The following VPS13A variants were observed in gnomAD, a reference collection of about 807,000 sequenced individuals.
VPS13A encodes the protein vacuolar protein sorting 13 homolog A, also known as intermembrane lipid transfer protein VPS13A.
A neutral mutation model predicts 390.9 loss-of-function variants in VPS13A; 264 were observed. That is an observed-to-expected ratio of 0.68 (90% confidence interval 0.61 to 0.75). The LOEUF (loss-of-function observed/expected upper bound fraction) is 0.75. Ranked by LOEUF, VPS13A falls within the 30% of genes least tolerant of loss-of-function variation. VPS13A has a pLI of 0.00. For synonymous variants in VPS13A, 1,231 were observed against 1,227.1 expected (o/e 1.00, Z -0.07); for missense variants, 3,409 against 3,733.9 (o/e 0.91, Z 2.27).
intron 71 of VPS13A, among the ~76,000 whole-genome samples, chr9:77,409,435 C>G (rs113531393): frequency 4.6e-5 from 7 of 152,248 alleles, no homozygotes; most frequent in African/African-American, 1.7e-4. Context: ...AGCAATGGAA[C>G]AAAGCTGGAT....
intron 32 of VPS13A, among the ~76,000 whole-genome samples, chr9:77,294,112 G>A (rs561831585): frequency 6.6e-6 from 1 of 151,814 alleles, no homozygotes; most frequent in Non-Finnish European, 1.5e-5. Context: ...ATAGAGATGG[G>A]GTCTTACTCT....
rs557089743 is a variant in VPS13A at position 77,235,668 on chromosome 9, G to A, written c.1596-2334G>A. ...TTTCTCATGTCCTTCGGAGAGTCCC[G>A]TAGTGCATATGTTGTTCCACTTGAT... On this transcript the variant is annotated intron_variant, in intron 17 of 71. Transcript: ENST00000360280. Among the ~76,000 whole-genome samples the A allele has an allele frequency of 1.4e-4, 21 of 152,160 alleles. No individual in the cohort carries two copies. In the South Asian group the frequency reaches 2.1e-3, roughly 15 times the overall value.
intron 33 of VPS13A, among the ~76,000 whole-genome samples, chr9:77,299,906 A>G (rs2131386335): frequency 6.6e-6 from 1 of 152,206 alleles, no homozygotes. Context: ...GAGGGGGAAC[A>G]TCACACAGCG....
intron 12 of VPS13A, 126 bp from the exon 13 acceptor site, chr9:77,221,059 T>G: frequency 3.4e-6 from 3 of 895,308 alleles, no homozygotes; most frequent in Non-Finnish European, 3.6e-6. Context: ...AAGGAAGTAC[T>G]CAGATAATAT....
At chr9:77,283,718 G>A in intron 31 of VPS13A, 68 bp downstream of exon 31, 1 of 1,259,512 alleles carries the variant, frequency 7.9e-7, no homozygotes, top group Non-Finnish European at 1.1e-6. Context: ...GTGGTCATAG[G>A]TATCATTTGG....
chr9:77,256,413 A>G lies in VPS13A; in HGVS notation c.2289-3673A>G, dbSNP rs138374224. On this transcript the variant is annotated intron_variant, in intron 22 of 71. Coordinates refer to ENST00000360280, the MANE Select transcript of VPS13A (RefSeq NM_033305.3). ...TGACGCTTGGTTTTTTACCTGACGT[A>G]TAATCTGTCCTGGAGAATGTTTCAT... is the stretch of plus-strand genomic sequence containing the variant. Among the ~76,000 whole-genome samples the G allele has an allele frequency of 1.6e-4, 25 of 152,286 alleles. No individual in the cohort carries two copies. The East Asian group carries it at 4.6e-3, about 28-fold the overall frequency.
In VPS13A at chr9:77,283,354, G is replaced by T; in HGVS notation, c.3119-1G>T. ...TTTATAATATGAATTTTTTTTTGCA[G>T]CTTTAAAACTATCCACAAATGAAGA... On this transcript the variant is annotated splice_acceptor_variant, in intron 29 of 71. Coordinates refer to ENST00000360280, the MANE Select transcript of VPS13A (RefSeq NM_033305.3). LOFTEE classifies it high-confidence loss of function. 6.4e-7 allele frequency: 1 copy of T among 1,559,996 alleles called. No individual in the cohort carries two copies. The highest frequency in any genetic ancestry group is 8.8e-7 in the Non-Finnish European group (1 of 1,134,730).
At chr9:77,310,649 C>T (rs949913513) in intron 35 of VPS13A, among the ~76,000 whole-genome samples, 9 of 152,090 alleles carry the variant, frequency 5.9e-5, no homozygotes, top group African/African-American at 2.2e-4. Flanking sequence ...TTAAACAACA[C>T]ATGGAATACT....
At chr9:77,214,696 G>A (rs1046323526) in intron 10 of VPS13A, among the ~76,000 whole-genome samples, 1 of 152,102 alleles carries the variant, frequency 6.6e-6, no homozygotes, top group African/African-American at 2.4e-5. Flanking sequence ...TTTCAAAATG[G>A]CAAGTAAAAT....
rs182044001 is a variant in VPS13A, at chr9:77,417,139, A to G, written c.*1133A>G. Reference sequence around the variant, plus strand: ...TTAATATTAATGGACTGTTTCAGGTAAAAGAGAATGAATGTATGATTGTGA... The same window carrying G: ...TTAATATTAATGGACTGTTTCAGGTGAAAGAGAATGAATGTATGATTGTGA... On this transcript the variant is annotated 3_prime_UTR_variant, in exon 72 of 72. Transcript: ENST00000360280. The G allele has an allele frequency of 1.3e-5, 2 of 152,232 alleles. No homozygotes were observed. The highest frequency in any genetic ancestry group is 4.8e-5 in the African/African-American group (2 of 41,448). The allele number at this position is 152,232 out of a possible 1,614,324, so 9.4% of individuals were successfully genotyped here.
At chr9:77,224,591 A>C (rs544357863) in intron 13 of VPS13A, among the ~76,000 whole-genome samples, 4 of 152,336 alleles carry the variant, frequency 2.6e-5, no homozygotes, top group African/African-American at 9.6e-5. Flanking sequence ...TGAACATGTG[A>C]CTAAATTGCT....
intron 68 of VPS13A, among the ~76,000 whole-genome samples, chr9:77,394,258 G>A (rs1415045244): frequency 3.3e-5 from 5 of 151,894 alleles, no homozygotes; most frequent in African/African-American, 1.2e-4. Flanking sequence ...GTAGAGATGG[G>A]GTTTCACCAT....
rs1002191647 is a variant in VPS13A, at chr9:77,177,600, C to G, written c.-105C>G. The G allele has an allele frequency of 1.9e-6, 2 of 1,077,934 alleles. No homozygotes were observed. Among genetic ancestry groups the G allele is most frequent in the Non-Finnish European group, 2.8e-6 (2 of 726,046 alleles). The allele number at this position is 1,077,934 out of a possible 1,614,324, so 66.8% of individuals were successfully genotyped here. On this transcript the variant is annotated 5_prime_UTR_variant, in exon 1 of 72. Coordinates refer to ENST00000360280, the MANE Select transcript of VPS13A (RefSeq NM_033305.3). ...CCAGCGGGGGCGCCGCAGCTGAAGC[C>G]GCCCCGGAGCCGGTGAACCGAATTA...
chr9:77,239,739 A>G (rs927336729), intron 19 of VPS13A, among the ~76,000 whole-genome samples: 1 of 151,824 alleles, frequency 6.6e-6, no homozygotes, highest in Admixed American at 6.6e-5. Context: ...TATGTCTAAC[A>G]TCCTATTTTG....
intron 19 of VPS13A, 97 bp from the exon 20 acceptor site, chr9:77,247,162 A>T: frequency 9.4e-7 from 1 of 1,061,320 alleles, no homozygotes; most frequent in Non-Finnish European, 1.3e-6. Context: ...TACTAATTTT[A>T]CATTAAGATT....
At chr9:77,370,155 A>C (rs762269351) in intron 63 of VPS13A, 102 bp from the exon 64 acceptor site, 9 of 1,251,064 alleles carry the variant, frequency 7.2e-6, no homozygotes, top group Non-Finnish European at 1.0e-5. Context: ...GGACAACATT[A>C]TCCATTTTTG....
chr9:77,209,750 T>A (rs1217636958), intron 6 of VPS13A, among the ~76,000 whole-genome samples: 1 of 152,154 alleles, frequency 6.6e-6, no homozygotes, highest in Non-Finnish European at 1.5e-5. Context: ...AGACATTAGA[T>A]CATGAAGGAA....
At chr9:77,193,255 C>G (rs540919391) in intron 1 of VPS13A, among the ~76,000 whole-genome samples, 1 of 151,772 alleles carries the variant, frequency 6.6e-6, no homozygotes, top group African/African-American at 2.4e-5. Context: ...TTACTGGAGT[C>G]CTTAAATTCC....
rs1348232788 is a variant in VPS13A, at chr9:77,368,109, T to C, written c.8526T>C (p.Ser2842=). 1 of 1,612,362 alleles carries C rather than the reference T, an allele frequency of 6.2e-7. No individual in the cohort carries two copies. The highest frequency in any genetic ancestry group is 8.5e-7 in the Non-Finnish European group (1 of 1,179,512). ...YQFHTTSDLQ[S]EVIRHYSKQA... is the part of the protein sequence containing the mutation. ...TCCATACAACATCCGATCTACAGTC[T>C]GAAGTCATAAGACACTATTCAAAAC... is the stretch of plus-strand genomic sequence containing the variant. Residue 2842 remains serine, a synonymous_variant, in exon 62 of 72, where the codon TCT becomes TCC. Transcript: ENST00000360280.
Sources: allele counts gnomAD v4.1 joint callset (sites outside exome capture counted in the v4.1 genomes callset), GRCh38; gene constraint gnomAD v4.1.1; transcripts MANE v1.5; gene names NCBI Gene and HGNC (gene_info 2026-07-23, HGNC 2026-07-21).